CSPP1: variants seen among roughly 807,000 people sequenced by gnomAD.
CSPP1 encodes centrosome and spindle pole-associated protein 1.
In CSPP1, 126 loss-of-function variants were observed where a neutral mutation model predicts 164.4. That is an observed-to-expected ratio of 0.77 (90% CI 0.66 to 0.89). CSPP1 has a LOEUF of 0.89. Ranked by LOEUF, CSPP1 falls within the 40% of genes least tolerant of loss-of-function variation. The probability of loss-of-function intolerance (pLI) is 0.00; values close to 1 mark genes in which losing one functional copy is unlikely to be tolerated. For synonymous variants in CSPP1, 472 were observed against 476.7 expected (o/e 0.99, Z 0.13); for missense variants, 1,395 against 1,449.8 (o/e 0.96, Z 0.61).
At chr8:67,087,624 G>C (rs1318706290) in intron 4 of CSPP1, among the ~76,000 whole-genome samples, 2 of 152,198 alleles carry the variant, frequency 1.3e-5, no homozygotes, top group African/African-American at 4.8e-5. Context: ...AGGACCTAGA[G>C]GGTAGACTTT....
chr8:67,190,798 G>A (rs781162382), intron 29 of CSPP1, 39 bp downstream of exon 29: 1 of 1,432,324 alleles, frequency 7.0e-7, no homozygotes, highest in Non-Finnish European at 9.9e-7. Context: ...CAACTTAGAA[G>A]AATGAGAGGT....
intron 16 of CSPP1, among the ~76,000 whole-genome samples, chr8:67,136,568 C>CAAAAAAA (rs35184133): frequency 3.6e-5 from 1 of 27,686 alleles, no homozygotes; most frequent in Non-Finnish European, 9.5e-5. Context: ...GACTCCGTCT[C>CAAAAAAA]AAAAAAAAAA....
intron 28 of CSPP1, among the ~76,000 whole-genome samples, chr8:67,187,353 T>C (rs1043372434): frequency 6.6e-6 from 1 of 152,074 alleles, no homozygotes; most frequent in African/African-American, 2.4e-5. Flanking sequence ...GTGGCATTGG[T>C]GAAAGAACAG....
chr8:67,175,348 TC>T lies in CSPP1; in HGVS notation c.3022del (p.His1008IlefsTer4). Reference protein sequence around the residue: ...KFMYLDPPRDHHTLEIQQQAL... With the variant: ...KFMYLDPPRDXHTLEIQQQAL... Reference sequence around the variant, plus strand: ...TTATGTACCTGGATCCTCCAAGAGATCATCACACCTTAGAGATTCAGCAGCA... The same window carrying T: ...TTATGTACCTGGATCCTCCAAGAGATATCACACCTTAGAGATTCAGCAGCA... On this transcript the variant is annotated frameshift_variant, in exon 26 of 31. Transcript: ENST00000678616. LOFTEE classifies it high-confidence loss of function. 1 of 1,613,858 alleles carries T rather than the reference TC, an allele frequency of 6.2e-7. No homozygotes were observed. The highest frequency in any genetic ancestry group is 8.5e-7 in the Non-Finnish European group (1 of 1,179,758).
intron 5 of CSPP1, among the ~76,000 whole-genome samples, chr8:67,092,555 A>G (rs920783894): frequency 3.3e-5 from 5 of 152,256 alleles, no homozygotes; most frequent in Middle Eastern, 3.4e-3. Context: ...CTCCTGCATC[A>G]GCCTCCTGAG....
chr8:67,183,118 T>C (rs920643278), intron 28 of CSPP1, among the ~76,000 whole-genome samples: 3 of 152,254 alleles, frequency 2.0e-5, no homozygotes, highest in Non-Finnish European at 4.4e-5. Flanking sequence ...TAGCTCTTAA[T>C]GTTTAGATGC....
At chr8:67,115,317 A>G (rs1338516254) in intron 12 of CSPP1, 1 of 152,354 alleles carries the variant, frequency 6.6e-6, no homozygotes, top group Non-Finnish European at 1.5e-5. Context: ...ATTTACTAAT[A>G]GTGAGACCTT....
At chr8:67,189,156 T>G (rs903899736) in intron 28 of CSPP1, among the ~76,000 whole-genome samples, 2 of 152,342 alleles carry the variant, frequency 1.3e-5, no homozygotes, top group African/African-American at 2.4e-5. Context: ...GAACTCTCAT[T>G]CATTGCTGGT....
intron 21 of CSPP1, among the ~76,000 whole-genome samples, chr8:67,160,990 C>T (rs1397496903): frequency 6.6e-6 from 1 of 151,970 alleles, no homozygotes; most frequent in Non-Finnish European, 1.5e-5. Flanking sequence ...CCACACCTGG[C>T]TAATTTTTAT....
rs546837200 is a variant in CSPP1 at position 67,116,010 on chromosome 8, C to T, written c.1384C>T (p.Pro462Ser). Reference protein sequence around the residue: ...PRIAFQTPLPPLSAPSVPPIP... With the variant: ...PRIAFQTPLPSLSAPSVPPIP... ...AATAGCTTTCCAGACACCTCTCCCT[C>T]CTTTATCTGCCCCATCTGTCCCACC... is the stretch of plus-strand genomic sequence containing the variant. Residue 462 changes from proline to serine, a missense_variant, in exon 13 of 31, where the codon CCT (proline) becomes TCT (serine). Physicochemically the swap from Pro to Ser is moderately conservative, Grantham distance 74. Transcript: ENST00000678616. 2.5e-5 allele frequency: 41 copies of T among 1,614,004 alleles called. 1 individual carries two copies. The South Asian group carries it at 4.3e-4, about 17-fold the overall frequency.
intron 3 of CSPP1, among the ~76,000 whole-genome samples, chr8:67,076,924 T>G (rs1315847582): frequency 6.6e-6 from 1 of 152,208 alleles, no homozygotes; most frequent in African/African-American, 2.4e-5. Context: ...CTTGCTTATT[T>G]AAAAATTAAA....
intron 3 of CSPP1, chr8:67,084,086 G>A (rs1367930441): frequency 6.6e-6 from 1 of 152,070 alleles, no homozygotes; most frequent in Non-Finnish European, 1.5e-5. Flanking sequence ...TTCTGAACAT[G>A]AGAATCAAAA....
intron 6 of CSPP1, among the ~76,000 whole-genome samples, chr8:67,095,076 C>T (rs555289889): frequency 1.3e-5 from 2 of 152,134 alleles, no homozygotes; most frequent in South Asian, 4.2e-4. Flanking sequence ...TATCCATTCC[C>T]CTGTTGATGG....
chr8:67,108,145 T>C (rs1241965140), intron 9 of CSPP1, among the ~76,000 whole-genome samples: 2 of 151,650 alleles, frequency 1.3e-5, no homozygotes, highest in African/African-American at 4.9e-5. Flanking sequence ...AATCCCAGCA[T>C]CTTAGGAGGC....
chr8:67,168,934 T>C (rs941070975), intron 24 of CSPP1, among the ~76,000 whole-genome samples: 5 of 152,220 alleles, frequency 3.3e-5, no homozygotes, highest in Non-Finnish European at 7.3e-5. Context: ...TAAATCTCCA[T>C]AGAGTTCCTT....
rs1563818908 is a variant in CSPP1 at position 67,195,779 on chromosome 8, A to G, written c.*186A>G. The G allele has an allele frequency of 1.5e-5, 9 of 581,404 alleles. No individual in the cohort carries two copies. The highest frequency in any genetic ancestry group is 3.1e-6 in the Non-Finnish European group (1 of 324,304). 36.0% of individuals were successfully genotyped at this position (581,404 alleles called of 1,614,324 possible). On this transcript the variant is annotated 3_prime_UTR_variant, in exon 31 of 31. Coordinates refer to ENST00000678616, the MANE Select transcript of CSPP1 (RefSeq NM_001382391.1). ...TAAAAGGCCATGATTATTGATTTAT[A>G]TAATAGAATTGTATAGATTATTTTT... is the stretch of plus-strand genomic sequence containing the variant.
intron 17 of CSPP1, among the ~76,000 whole-genome samples, chr8:67,141,746 C>A (rs980590755): frequency 6.6e-6 from 1 of 152,182 alleles, no homozygotes; most frequent in Non-Finnish European, 1.5e-5. Context: ...AACTCCTGAC[C>A]TGAGGTGATC....
intron 7 of CSPP1, among the ~76,000 whole-genome samples, chr8:67,100,148 A>G (rs1333551967): frequency 6.6e-6 from 1 of 151,966 alleles, no homozygotes; most frequent in Non-Finnish European, 1.5e-5. Context: ...CTTGTTAATG[A>G]TTTTTTTCTT....
At chr8:67,187,647 A>G (rs1394514418) in intron 28 of CSPP1, among the ~76,000 whole-genome samples, 1 of 151,924 alleles carries the variant, frequency 6.6e-6, no homozygotes, top group African/African-American at 2.4e-5. Flanking sequence ...TCACGCCACT[A>G]AACTCCAGCC....
Sources: gnomAD v4.1 joint callset for allele counts (sites outside exome capture counted in the v4.1 genomes callset) on GRCh38, gnomAD v4.1.1 for gene constraint, MANE v1.5 for transcripts, NCBI Gene and HGNC (gene_info 2026-07-23, HGNC 2026-07-21) for gene names.